The following EFCAB6 variants were observed in gnomAD, a reference collection of about 807,000 sequenced individuals.
EFCAB6 encodes EF-hand calcium-binding domain-containing protein 6.
EFCAB6 carries 156 observed loss-of-function variants against 169.8 expected under a neutral mutation model. The ratio of observed to expected loss-of-function variants is 0.92; its 90% CI spans 0.81 to 1.05. The LOEUF (loss-of-function observed/expected upper bound fraction) is 1.05, where lower values mean the gene tolerates loss of function less well. Among genes scored for constraint, EFCAB6 ranks in the 50% least tolerant of loss-of-function variants. The probability of loss-of-function intolerance (pLI) is 0.00; values close to 1 mark genes in which losing one functional copy is unlikely to be tolerated. For missense variants in EFCAB6, 1,800 were observed against 1,829.1 expected (o/e 0.98, Z 0.29); for synonymous variants, 698 against 676.4 (o/e 1.03, Z -0.50).
Position 43,554,848 on chromosome 22 carries a change from G to C in EFCAB6, c.3648+21C>G, listed in dbSNP as rs201399413. 6 of 1,609,476 alleles carry C rather than the reference G, an allele frequency of 3.7e-6. No individual in the cohort carries two copies. In the African/African-American group the frequency reaches 5.3e-5, roughly 14 times the overall value. On this transcript the variant is annotated intron_variant, in intron 27 of 31. Coordinates refer to ENST00000262726, the MANE Select transcript of EFCAB6 (RefSeq NM_022785.4). ...GCTCAGCCAACGGTGTGCAGGGTGA[G>C]GACTGACTGGCGTTTCTTACCTGTT...
intron 26 of EFCAB6, among the ~76,000 whole-genome samples, chr22:43,560,129 A>G (rs1461339098): frequency 1.3e-5 from 2 of 152,258 alleles, no homozygotes; most frequent in African/African-American, 4.8e-5. Context: ...ATGTTCCTGG[A>G]TATAAAGACT....
chr22:43,530,270 G>A (rs12161033), intron 31 of EFCAB6, among the ~76,000 whole-genome samples: 5 of 152,322 alleles, frequency 3.3e-5, no homozygotes, highest in African/African-American at 1.2e-4. Context: ...ACTTAACCCC[G>A]AAGGAAAGAG....
At chr22:43,779,171 T>C (rs2061733150) in intron 3 of EFCAB6, among the ~76,000 whole-genome samples, 1 of 152,314 alleles carries the variant, frequency 6.6e-6, no homozygotes, top group Non-Finnish European at 1.5e-5. Flanking sequence ...AATTCACTTG[T>C]TTTGCTTAGT....
At chr22:43,531,839 G>A (rs891318809) in intron 30 of EFCAB6, among the ~76,000 whole-genome samples, 7 of 152,146 alleles carry the variant, frequency 4.6e-5, no homozygotes, top group African/African-American at 1.7e-4. Context: ...CCACCAGCCC[G>A]GCCAGAGCCC....
chr22:43,648,861 A>C (rs1036923621), intron 17 of EFCAB6, among the ~76,000 whole-genome samples: 4 of 152,240 alleles, frequency 2.6e-5, no homozygotes, highest in African/African-American at 7.2e-5. Context: ...ATACTTATTG[A>C]GCACTTACGA....
chr22:43,631,652 C>T (rs971999434), intron 19 of EFCAB6, among the ~76,000 whole-genome samples: 1 of 152,046 alleles, frequency 6.6e-6, no homozygotes, highest in Admixed American at 6.5e-5. Flanking sequence ...TGTCTGTTTA[C>T]CATCTGTGTC....
intron 3 of EFCAB6, among the ~76,000 whole-genome samples, chr22:43,780,655 A>G (rs1473431644): frequency 6.6e-6 from 1 of 152,126 alleles, no homozygotes. Flanking sequence ...CTGATGATGT[A>G]TTTTGATGTC....
At chr22:43,699,993 C>T (rs757754424) in intron 10 of EFCAB6, among the ~76,000 whole-genome samples, 11 of 152,298 alleles carry the variant, frequency 7.2e-5, no homozygotes, top group Non-Finnish European at 1.2e-4. Flanking sequence ...TCATTTATTT[C>T]ATCATCTCAA....
At chr22:43,652,874 GAAGA>G (rs2056545119) in intron 17 of EFCAB6, among the ~76,000 whole-genome samples, 1 of 150,868 alleles carries the variant, frequency 6.6e-6, no homozygotes, top group African/African-American at 2.4e-5. Flanking sequence ...TGAGACAAAA[GAAGA>G]AAAAAACACA....
chr22:43,577,649 C>T (rs991856623), intron 25 of EFCAB6, among the ~76,000 whole-genome samples: 1 of 152,102 alleles, frequency 6.6e-6, no homozygotes, highest in African/African-American at 2.4e-5. Context: ...GTACCTGGCC[C>T]GTGGGGATCT....
intron 5 of EFCAB6, among the ~76,000 whole-genome samples, chr22:43,761,407 A>G (rs2061158568): frequency 6.6e-6 from 1 of 151,984 alleles, no homozygotes; most frequent in Admixed American, 6.6e-5. Context: ...TGCATTCTAG[A>G]TAATTTCTTC....
chr22:43,656,042 C>T (rs988959545), intron 17 of EFCAB6, among the ~76,000 whole-genome samples: 5 of 152,280 alleles, frequency 3.3e-5, no homozygotes, highest in Middle Eastern at 3.4e-3. Flanking sequence ...AACCTACAAT[C>T]GGATGGAAGA....
At chr22:43,589,131 C>T (rs1296822733) in intron 24 of EFCAB6, among the ~76,000 whole-genome samples, 1 of 151,558 alleles carries the variant, frequency 6.6e-6, no homozygotes, top group African/African-American at 2.4e-5. Flanking sequence ...GAAGTAGGGA[C>T]ATTGGCCGGG....
At chr22:43,559,806 G>A (rs1362170758) in intron 26 of EFCAB6, among the ~76,000 whole-genome samples, 1 of 151,666 alleles carries the variant, frequency 6.6e-6, no homozygotes, top group Non-Finnish European at 1.5e-5. Context: ...AGTGGGAGTT[G>A]AACAATGAGG....
chr22:43,667,135 T>C lies in EFCAB6; in HGVS notation c.1952A>G (p.Asn651Ser). The C allele has an allele frequency of 6.2e-7, 1 of 1,614,088 alleles. No individual in the cohort carries two copies. The highest frequency in any genetic ancestry group is 8.5e-7 in the Non-Finnish European group (1 of 1,179,986). ...KRFLDFSKEPNGKINVHDFKK... is the reference protein window; with the variant it reads ...KRFLDFSKEPSGKINVHDFKK... ...AAAGTCATGCACGTTAATTTTTCCA[T>C]TAGGCTCCTTGCTGAAGTCAAGAAA... The change falls in exon 17 of 32, where the codon AAT (asparagine) becomes AGT (serine). Residue 651 changes from asparagine (N) to serine (S), a missense_variant. Physicochemically the swap from Asn to Ser is conservative, Grantham distance 46. Coordinates refer to ENST00000262726, the MANE Select transcript of EFCAB6 (RefSeq NM_022785.4).
intron 2 of EFCAB6, among the ~76,000 whole-genome samples, chr22:43,808,610 C>T (rs560409557): frequency 6.6e-6 from 1 of 151,606 alleles, no homozygotes; most frequent in Non-Finnish European, 1.5e-5. Context: ...TTTTAGGTCC[C>T]GAGGATATAC....
rs540646745 is a variant in EFCAB6, at chr22:43,579,944, A to G, written c.3228+520T>C. Among the ~76,000 whole-genome samples, 5 of 152,268 alleles carry G rather than the reference A, an allele frequency of 3.3e-5. No individual in the cohort carries two copies. The South Asian group carries it at 8.3e-4, about 25-fold the overall frequency. On this transcript the variant is annotated intron_variant, in intron 25 of 31. Coordinates refer to ENST00000262726, the MANE Select transcript of EFCAB6 (RefSeq NM_022785.4). ...CCTACACGCAGGCATCATTGCCTACATGCAAGCATCATTCCATACACATAG... is the reference window on the plus strand; with the variant it reads ...CCTACACGCAGGCATCATTGCCTACGTGCAAGCATCATTCCATACACATAG...
At chr22:43,581,804 T>C (rs561448826) in intron 24 of EFCAB6, among the ~76,000 whole-genome samples, 5 of 152,318 alleles carry the variant, frequency 3.3e-5, no homozygotes, top group East Asian at 1.9e-4. Context: ...AGGCTCTGCG[T>C]CGGGTCGGCT....
chr22:43,810,066 G>C (rs1201822243), intron 1 of EFCAB6, among the ~76,000 whole-genome samples: 1 of 151,624 alleles, frequency 6.6e-6, no homozygotes, highest in South Asian at 2.1e-4. Flanking sequence ...ATAGATATGG[G>C]GGGGGTCTGA....
Sources: allele counts gnomAD v4.1 joint callset (sites outside exome capture counted in the v4.1 genomes callset), GRCh38; gene constraint gnomAD v4.1.1; transcripts MANE v1.5; gene names NCBI Gene and HGNC (gene_info 2026-07-23, HGNC 2026-07-21).